Variants in KAT2B observed in about 807,000 individuals in gnomAD.
KAT2B encodes the protein histone acetyltransferase KAT2B.
A neutral mutation model predicts 105.9 loss-of-function variants in KAT2B; 36 were observed. That is an observed-to-expected ratio of 0.34 (90% CI 0.26 to 0.45). The LOEUF (loss-of-function observed/expected upper bound fraction) is 0.45, where lower values mean the gene tolerates loss of function less well. Among genes scored for constraint, KAT2B ranks in the 20% least tolerant of loss-of-function variants. The probability of loss-of-function intolerance (pLI) is 1.00; values close to 1 mark genes in which losing one functional copy is unlikely to be tolerated. For missense variants in KAT2B, 820 were observed against 1,021.6 expected (o/e 0.80, Z 2.69); for synonymous variants, 397 against 377.9 (o/e 1.05, Z -0.59).
At chr3:20,086,365 G>A (rs1416465545) in intron 2 of KAT2B, among the ~76,000 whole-genome samples, 1 of 152,176 alleles carries the variant, frequency 6.6e-6, no homozygotes, top group African/African-American at 2.4e-5. Context: ...TTGGGAATCC[G>A]AGACGGGAGG....
intron 4 of KAT2B, among the ~76,000 whole-genome samples, chr3:20,100,791 G>T (rs191890052): frequency 1.3e-5 from 2 of 152,132 alleles, no homozygotes; most frequent in East Asian, 3.9e-4. Context: ...ATTTTGGTAA[G>T]CTTATTGACT....
chr3:20,133,775 CT>C (rs1429494631), intron 11 of KAT2B, among the ~76,000 whole-genome samples: 1 of 152,192 alleles, frequency 6.6e-6, no homozygotes, highest in Non-Finnish European at 1.5e-5. Context: ...ATAGTTCCCC[CT>C]ACCATTGCTG....
chr3:20,102,132 A>C lies in KAT2B; in HGVS notation c.851+664A>C, dbSNP rs146878313. Among the ~76,000 whole-genome samples the C allele has an allele frequency of 2.6e-5, 4 of 152,230 alleles. No homozygotes were observed. The East Asian group carries it at 7.7e-4, about 29-fold the overall frequency. ...GGAGTTCAAGACCAGCCTGGCCAAT[A>C]TGGTGAAACCCCATCTCTACTAAAA... On this transcript the variant is annotated intron_variant, in intron 5 of 17. Coordinates refer to ENST00000263754, the MANE Select transcript of KAT2B (RefSeq NM_003884.5).
rs540988888 is a variant in KAT2B at position 20,116,539 on chromosome 3, T to C, written c.1150+1551T>C. Among the ~76,000 whole-genome samples, 8 of 152,270 alleles carry C rather than the reference T, an allele frequency of 5.3e-5. 1 individual carries two copies. The East Asian group carries it at 1.5e-3, about 29-fold the overall frequency. Reference sequence around the variant, plus strand: ...GGGTGTGGCCTGGACATTGGGACTTTTAAAAAGCTCCCCAGGTAATTTTAA... The same window carrying C: ...GGGTGTGGCCTGGACATTGGGACTTCTAAAAAGCTCCCCAGGTAATTTTAA... On this transcript the variant is annotated intron_variant, in intron 7 of 17. Coordinates refer to ENST00000263754, the MANE Select transcript of KAT2B (RefSeq NM_003884.5).
Position 20,122,660 on chromosome 3 carries a change from C to A in KAT2B, c.1277-8C>A. 6.2e-7 allele frequency: 1 copy of A among 1,609,248 alleles called. No individual in the cohort carries two copies. Among genetic ancestry groups the A allele is most frequent in the South Asian group, 1.1e-5 (1 of 90,690 alleles). Reference sequence around the variant, plus strand: ...CCCATTGTTTGCCTTTTATTTTGATCATCATAGGAGAAAAGAGGAAAATGA... The same window carrying A: ...CCCATTGTTTGCCTTTTATTTTGATAATCATAGGAGAAAAGAGGAAAATGA... On this transcript the variant is annotated splice_polypyrimidine_tract_variant and splice_region_variant and intron_variant, in intron 8 of 17. Transcript: ENST00000263754.
chr3:20,078,976 C>G (rs540831531), intron 2 of KAT2B, among the ~76,000 whole-genome samples: 135 of 151,416 alleles, frequency 8.9e-4, no homozygotes, highest in Admixed American at 1.3e-3. Context: ...TTCCGCCTCC[C>G]AGGTTCAAGC....
chr3:20,068,212 T>G (rs1044870096), intron 1 of KAT2B, among the ~76,000 whole-genome samples: 1 of 151,762 alleles, frequency 6.6e-6, no homozygotes, highest in African/African-American at 2.4e-5. Flanking sequence ...GCCAGGTTGG[T>G]CTCGAACTCC....
chr3:20,132,712 C>CTT (rs1380809186), intron 11 of KAT2B, among the ~76,000 whole-genome samples: 3 of 152,156 alleles, frequency 2.0e-5, no homozygotes, highest in Non-Finnish European at 4.4e-5. Flanking sequence ...AACTTGGAAT[C>CTT]TGGAAAAGAT....
chr3:20,121,736 G>GTT (rs1699313774), intron 8 of KAT2B, among the ~76,000 whole-genome samples: 1 of 31,656 alleles, frequency 3.2e-5, no homozygotes. Flanking sequence ...ATGCATATGT[G>GTT]TGTGTGTGTG....
intron 1 of KAT2B, among the ~76,000 whole-genome samples, chr3:20,050,367 T>C (rs369624769): frequency 6.6e-6 from 1 of 152,334 alleles, no homozygotes; most frequent in South Asian, 2.1e-4. Context: ...TACATGTGTA[T>C]ACATCTATGC....
rs1575146012 is a variant in KAT2B, at chr3:20,121,609, A to G, written c.1277-1059A>G. Among the ~76,000 whole-genome samples, 3 of 152,204 alleles carry G rather than the reference A, an allele frequency of 2.0e-5. No homozygotes were observed. The East Asian group carries it at 5.8e-4, about 29-fold the overall frequency. On this transcript the variant is annotated intron_variant, in intron 8 of 17. Coordinates refer to ENST00000263754, the MANE Select transcript of KAT2B (RefSeq NM_003884.5). ...AGGGCAAAAAAGCATTGTAAAAGAT[A>G]AAGTGTGTCATTTTATAATAGAAAA...
chr3:20,131,010 C>CTTTTT (rs148208028), intron 11 of KAT2B, among the ~76,000 whole-genome samples: 1 of 74,710 alleles, frequency 1.3e-5, no homozygotes, highest in Non-Finnish European at 2.5e-5. Flanking sequence ...GTTTCCTGGC[C>CTTTTT]TTTTTTTTTT....
In KAT2B at chr3:20,122,732, G is replaced by T. The variant is rs761915404; in HGVS notation, c.1341G>T (p.Gly447=). 7 of 1,613,814 alleles carry T rather than the reference G, an allele frequency of 4.3e-6. No individual in the cohort carries two copies. The African/African-American group carries it at 9.3e-5, about 22-fold the overall frequency. The part of the protein sequence containing the change: ...LEEAKKPRVM[G]DIPMELINEV... ...AGGCCAAGAAACCCCGAGTTATGGG[G>T]GATATTCCGATGGAATTAATCAACG... The change falls in exon 9 of 18, where the codon GGG becomes GGT. Residue 447 remains glycine, a synonymous_variant. Coordinates refer to ENST00000263754, the MANE Select transcript of KAT2B (RefSeq NM_003884.5).
rs191686446 is a variant in KAT2B at position 20,083,440 on chromosome 3, T to C, written c.430+10981T>C. Reference sequence around the variant, plus strand: ...TAATATGAATTGATTGTCAGTATAGTAAATAGTTTAGCTTTGCAGTTAGAG... The same window carrying C: ...TAATATGAATTGATTGTCAGTATAGCAAATAGTTTAGCTTTGCAGTTAGAG... On this transcript the variant is annotated intron_variant, in intron 2 of 17. Transcript: ENST00000263754. Among the ~76,000 whole-genome samples the C allele has an allele frequency of 1.4e-4, 22 of 152,316 alleles. 1 individual carries two copies. The East Asian group carries it at 4.3e-3, about 29-fold the overall frequency.
intron 1 of KAT2B, among the ~76,000 whole-genome samples, chr3:20,053,987 G>T (rs1697960671): frequency 6.6e-6 from 1 of 152,076 alleles, no homozygotes; most frequent in Admixed American, 6.5e-5. Context: ...TAGTAGAGAT[G>T]GGGTCTCGCC....
chr3:20,106,534 A>G (rs1699008855), intron 5 of KAT2B, among the ~76,000 whole-genome samples: 1 of 152,174 alleles, frequency 6.6e-6, no homozygotes, highest in African/African-American at 2.4e-5. Context: ...AATTTAACAG[A>G]GTACAAAATA....
At chr3:20,056,955 T>A (rs1205538581) in intron 1 of KAT2B, among the ~76,000 whole-genome samples, 2 of 152,188 alleles carry the variant, frequency 1.3e-5, no homozygotes, top group African/African-American at 4.8e-5. Flanking sequence ...TAAACACAAA[T>A]GCTTGACGTT....
chr3:20,150,964 G>A (rs912983712), intron 17 of KAT2B, among the ~76,000 whole-genome samples: 6 of 152,122 alleles, frequency 3.9e-5, no homozygotes, highest in South Asian at 4.1e-4. Context: ...ACATTTAGGT[G>A]GAAAAGTGAA....
chr3:20,116,338 C>T (rs1170205054), intron 7 of KAT2B, among the ~76,000 whole-genome samples: 1 of 152,162 alleles, frequency 6.6e-6, no homozygotes, highest in African/African-American at 2.4e-5. Flanking sequence ...CTAAGTTCTC[C>T]CATCCCCTCT....
Sources: allele counts gnomAD v4.1 joint callset (sites outside exome capture counted in the v4.1 genomes callset), GRCh38; gene constraint gnomAD v4.1.1; transcripts MANE v1.5; gene names NCBI Gene and HGNC (gene_info 2026-07-23, HGNC 2026-07-21).